The following CREB3L3 variants were observed in gnomAD, a reference collection of about 807,000 sequenced individuals.
CREB3L3 encodes cAMP responsive element binding protein 3 like 3.
In CREB3L3, 40 loss-of-function variants were observed where a neutral mutation model predicts 44.6. The ratio of observed to expected loss-of-function variants is 0.90; its 90% CI spans 0.70 to 1.17. The LOEUF (loss-of-function observed/expected upper bound fraction) is 1.17, where lower values mean the gene tolerates loss of function less well. Among genes scored for constraint, CREB3L3 ranks in the 50% most tolerant of loss-of-function variants. CREB3L3 has a pLI of 0.00. For synonymous variants in CREB3L3, 273 were observed against 256.3 expected (o/e 1.06, Z -0.62); for missense variants, 578 against 595.8 (o/e 0.97, Z 0.31).
chr19:4,158,054 G>T (rs1437768548), intron 3 of CREB3L3, among the ~76,000 whole-genome samples: 1 of 152,078 alleles, frequency 6.6e-6, no homozygotes, highest in African/African-American at 2.4e-5. Flanking sequence ...CTAGACGTGG[G>T]GAACAGCAGA....
At chr19:4,159,448 G>A (rs2041630851) in intron 3 of CREB3L3, among the ~76,000 whole-genome samples, 1 of 152,214 alleles carries the variant, frequency 6.6e-6, no homozygotes, top group Non-Finnish European at 1.5e-5. Context: ...ACCATGACTG[G>A]CTGGGTTCCC....
intron 4 of CREB3L3, 105 bp downstream of exon 4, chr19:4,159,887 G>A (rs1490380063): frequency 2.7e-6 from 2 of 729,310 alleles, no homozygotes; most frequent in Non-Finnish European, 5.1e-6. Flanking sequence ...CTGAGTCACA[G>A]AAAGGCGTGG....
At chr19:4,167,917 G>A (rs1458780383) in intron 5 of CREB3L3, among the ~76,000 whole-genome samples, 1 of 152,014 alleles carries the variant, frequency 6.6e-6, no homozygotes, top group Non-Finnish European at 1.5e-5. Flanking sequence ...GGTCAGGACA[G>A]TGGGGACTGT....
intron 4 of CREB3L3, among the ~76,000 whole-genome samples, chr19:4,160,530 C>T (rs1460633482): frequency 6.7e-6 from 1 of 150,104 alleles, no homozygotes; most frequent in African/African-American, 2.5e-5. Context: ...CACCACCACA[C>T]CCAGCTAATT....
chr19:4,158,573 G>C (rs1428406091), intron 3 of CREB3L3, among the ~76,000 whole-genome samples: 1 of 151,958 alleles, frequency 6.6e-6, no homozygotes, highest in Non-Finnish European at 1.5e-5. Flanking sequence ...AGGCCGAAGC[G>C]AGCGGATCAC....
intron 6 of CREB3L3, among the ~76,000 whole-genome samples, chr19:4,169,716 C>A (rs1163189231): frequency 2.0e-5 from 3 of 151,650 alleles, no homozygotes; most frequent in Non-Finnish European, 4.4e-5. Context: ...CTTAGCCTCC[C>A]AAGTTCCCAA....
chr19:4,157,885 A>G (rs1256549568), intron 3 of CREB3L3, among the ~76,000 whole-genome samples: 2 of 151,922 alleles, frequency 1.3e-5, no homozygotes, highest in Non-Finnish European at 1.5e-5. Flanking sequence ...AGGTTTCACC[A>G]TGTTGGCCAG....
Position 4,171,122 on chromosome 19 carries a change from G to A in CREB3L3, c.922G>A (p.Ala308Thr), listed in dbSNP as rs774199891. The change falls in exon 8 of 10, where the codon GCC (alanine) becomes ACC (threonine). Residue 308 changes from alanine to threonine, a missense_variant. Physicochemically the swap from Ala to Thr is moderately conservative, Grantham distance 58 (BLOSUM62 0). Transcript: ENST00000078445. This position sits in a 1 kb window ranked among gnomAD's most constrained non-coding sequence, Gnocchi z 4.9. Reference protein sequence around the residue: ...SLLEQLKKLQAIVVQSTSKSA... With the variant: ...SLLEQLKKLQTIVVQSTSKSA... Reference sequence around the variant, plus strand: ...CTTGGAGCAACTGAAGAAACTCCAGGCCATTGTGGTGCAGTCCACCAGCAA... The same window carrying A: ...CTTGGAGCAACTGAAGAAACTCCAGACCATTGTGGTGCAGTCCACCAGCAA... 2.5e-6 allele frequency: 4 copies of A among 1,614,108 alleles called. No individual in the cohort carries two copies. The highest frequency in any genetic ancestry group is 1.3e-5 in the African/African-American group (1 of 75,032).
At chr19:4,168,084 C>T (rs533176250) in intron 5 of CREB3L3, among the ~76,000 whole-genome samples, 2 of 151,446 alleles carry the variant, frequency 1.3e-5, no homozygotes, top group East Asian at 1.9e-4. Flanking sequence ...CTGCAACCTC[C>T]GCCTCCCGGG....
chr19:4,153,892 C>A, intron 1 of CREB3L3, 118 bp downstream of exon 1: 1 of 1,209,378 alleles, frequency 8.3e-7, no homozygotes, highest in Non-Finnish European at 1.2e-6. Flanking sequence ...AAGACTGAGG[C>A]CCAGAGAAAG....
intron 4 of CREB3L3, among the ~76,000 whole-genome samples, chr19:4,161,165 T>G (rs893330272): frequency 2.6e-5 from 4 of 152,318 alleles, no homozygotes; most frequent in Non-Finnish European, 4.4e-5. Context: ...GGTTTCATCA[T>G]GTTAGCCAGG....
chr19:4,171,488 T>A lies in CREB3L3; in HGVS notation c.1072+9T>A. ...CTTTGCGCCTGTACGAGGTAGGGGA[T>A]CCCCACCTTTGAAACCCTTGTCTGG... On this transcript the variant is annotated intron_variant, in intron 9 of 9. Coordinates refer to ENST00000078445, the MANE Select transcript of CREB3L3 (RefSeq NM_032607.3). The surrounding 1 kb of genome is among the most constrained non-coding windows in gnomAD (Gnocchi z 4.9). 1.2e-6 allele frequency: 2 copies of A among 1,613,696 alleles called. No homozygotes were observed. The highest frequency in any genetic ancestry group is 1.7e-6 in the Non-Finnish European group (2 of 1,179,740).
rs750959727 is a variant in CREB3L3 at position 4,171,155 on chromosome 19, C to G, written c.955C>G (p.Gln319Glu). The G allele has an allele frequency of 6.2e-7, 1 of 1,614,128 alleles. No individual in the cohort carries two copies. The highest frequency in any genetic ancestry group is 2.2e-5 in the East Asian group (1 of 44,868). The stretch of plus-strand genomic sequence containing the variant: ...GGTGCAGTCCACCAGCAAGTCAGCC[C>G]AGACAGGCACCTGTGTCGCAGTGAG... ...IVVQSTSKSA[Q>E]TGTCVAVLLL... The change falls in exon 8 of 10, where the codon CAG becomes GAG. Residue 319 changes from glutamine (Q) to glutamate (E), a missense_variant. Physicochemically the swap from Gln to Glu is conservative, Grantham distance 29. Transcript: ENST00000078445. This position sits in a 1 kb window ranked among gnomAD's most constrained non-coding sequence, Gnocchi z 4.9.
At chr19:4,162,881 G>T (rs922590612) in intron 4 of CREB3L3, among the ~76,000 whole-genome samples, 2 of 152,190 alleles carry the variant, frequency 1.3e-5, no homozygotes, top group African/African-American at 4.8e-5. Context: ...GGAAGCTGAA[G>T]CTGGAGAATC....
At chr19:4,166,708 ATTG>A (rs1195799843) in intron 5 of CREB3L3, among the ~76,000 whole-genome samples, 2 of 149,856 alleles carry the variant, frequency 1.3e-5, no homozygotes, top group African/African-American at 2.5e-5. Context: ...ATCTGTTTCT[ATTG>A]TTGTTGTTGT....
rs374998466 is a variant in CREB3L3 at position 4,159,682 on chromosome 19, G to A, written c.476G>A (p.Gly159Glu). 2.6e-5 allele frequency: 40 copies of A among 1,564,334 alleles called. No homozygotes were observed. In the African/African-American group the frequency reaches 5.3e-4, roughly 21 times the overall value. Residue 159 changes from glycine to glutamate, a missense_variant, in exon 4 of 10, where the codon GGA becomes GAA. Physicochemically the swap from Gly to Glu is moderately conservative, Grantham distance 98. Coordinates refer to ENST00000078445, the MANE Select transcript of CREB3L3 (RefSeq NM_032607.3). ...TGGTCAGAAATGTGGAGCCCAGGAG[G>A]AAGGATCTGTGCTGAGAAGCCGGCT... ...TIDLEMWSPG[G>E]RICAEKPADP... is the part of the protein sequence containing the mutation.
At chr19:4,155,147 C>T (rs1401594314) in intron 2 of CREB3L3, 120 bp downstream of exon 2, 3 of 1,262,746 alleles carry the variant, frequency 2.4e-6, no homozygotes, top group Middle Eastern at 2.6e-4. Context: ...CTACGATGCA[C>T]TAATGGGTCA....
Position 4,153,718 on chromosome 19 carries a change from A to C in CREB3L3, c.-30A>C. On this transcript the variant is annotated 5_prime_UTR_variant, in exon 1 of 10. Coordinates refer to ENST00000078445, the MANE Select transcript of CREB3L3 (RefSeq NM_032607.3). Reference sequence around the variant, plus strand: ...TCCAGCTTGGAGCAGAGACCCCCCGAGGCATCTGCAGACAGAACTGGATGG... The same window carrying C: ...TCCAGCTTGGAGCAGAGACCCCCCGCGGCATCTGCAGACAGAACTGGATGG... The C allele has an allele frequency of 1.2e-6, 2 of 1,613,898 alleles. No homozygotes were observed. Among genetic ancestry groups the C allele is most frequent in the South Asian group, 1.1e-5 (1 of 91,040 alleles).
At chr19:4,155,662 C>CA (rs2041562347) in intron 2 of CREB3L3, among the ~76,000 whole-genome samples, 1 of 149,334 alleles carries the variant, frequency 6.7e-6, no homozygotes, top group Non-Finnish European at 1.5e-5. Flanking sequence ...GGCCCACTTT[C>CA]TTTTTTTTCT....
Sources: gnomAD v4.1 joint callset for allele counts (sites outside exome capture counted in the v4.1 genomes callset) on GRCh38, gnomAD v4.1.1 for gene constraint, Gnocchi (gnomAD v3.1) non-coding constraint, MANE v1.5 for transcripts, NCBI Gene and HGNC (gene_info 2026-07-23, HGNC 2026-07-21) for gene names.